USP32: variants seen among roughly 807,000 people sequenced by gnomAD.
USP32 encodes the protein ubiquitin specific peptidase 32, also known as ubiquitin carboxyl-terminal hydrolase 32.
Under a neutral mutation model 204.8 loss-of-function variants are expected in USP32, and 59 were observed. That is an observed-to-expected ratio of 0.29 (90% confidence interval 0.23 to 0.36). USP32 has a LOEUF of 0.36. Ranked by LOEUF, USP32 falls within the 10% of genes least tolerant of loss-of-function variation. USP32 has a pLI of 1.00. For synonymous variants in USP32, 517 were observed against 678.4 expected (o/e 0.76, Z 3.70); for missense variants, 1,160 against 1,946.4 (o/e 0.60, Z 7.60).
At chr17:60,250,341 T>C (rs1181761334) in intron 11 of USP32, among the ~76,000 whole-genome samples, 1 of 152,142 alleles carries the variant, frequency 6.6e-6, no homozygotes, top group Non-Finnish European at 1.5e-5. Context: ...GAAATAGGGA[T>C]GCTATGAGTA....
intron 1 of USP32, among the ~76,000 whole-genome samples, chr17:60,406,236 A>G (rs1310494966): frequency 6.6e-6 from 1 of 150,688 alleles, no homozygotes; most frequent in Non-Finnish European, 1.5e-5. Context: ...CTTGTCATCC[A>G]GGGACCATCT....
chr17:60,312,797 A>G (rs1163081768), intron 2 of USP32, among the ~76,000 whole-genome samples: 1 of 152,226 alleles, frequency 6.6e-6, no homozygotes, highest in Non-Finnish European at 1.5e-5. Context: ...ACAAAGATGA[A>G]ACATGAATTC....
intron 11 of USP32, among the ~76,000 whole-genome samples, chr17:60,251,156 T>C (rs925981836): frequency 1.3e-5 from 2 of 152,048 alleles, no homozygotes; most frequent in African/African-American, 4.8e-5. Flanking sequence ...TTGCCCAGGC[T>C]GGTCTCGAAC....
intron 16 of USP32, among the ~76,000 whole-genome samples, chr17:60,216,605 C>T (rs2085109898): frequency 6.6e-6 from 1 of 152,272 alleles, no homozygotes; most frequent in Non-Finnish European, 1.5e-5. Context: ...GCTAAAAAGT[C>T]ACCTAAAAAA....
intron 18 of USP32, among the ~76,000 whole-genome samples, chr17:60,212,751 A>G (rs1441586599): frequency 1.3e-5 from 2 of 150,216 alleles, no homozygotes; most frequent in Admixed American, 1.3e-4. Flanking sequence ...TGTCAGAGTA[A>G]TTTATTCCTT....
At chr17:60,395,223 A>G (rs2089893076), upstream of USP32, among the ~76,000 whole-genome samples, 1 of 152,240 alleles carries the variant, frequency 6.6e-6, no homozygotes, top group Admixed American at 6.5e-5. Context: ...CAGTACTAAC[A>G]TGAACTTTTA....
At chr17:60,184,809 CA>C (rs35566339) in intron 30 of USP32, among the ~76,000 whole-genome samples, 6,767 of 78,468 alleles carry the variant, frequency 0.086, 388 homozygotes, top group African/African-American at 0.21. Context: ...GACCCTGTCT[CA>C]AAAAAAAAAA....
chr17:60,267,073 T>C (rs893260845), intron 7 of USP32, among the ~76,000 whole-genome samples: 1 of 151,806 alleles, frequency 6.6e-6, no homozygotes, highest in Non-Finnish European at 1.5e-5. Context: ...ACAGGCATGA[T>C]GCACGGTGCC....
At chr17:60,412,417 G>A (rs976698468) in intron 1 of USP32, among the ~76,000 whole-genome samples, 2 of 151,940 alleles carry the variant, frequency 1.3e-5, no homozygotes, top group African/African-American at 4.8e-5. Flanking sequence ...GGGGCGGTGG[G>A]GCGGGGGAGC....
intron 1 of USP32, among the ~76,000 whole-genome samples, chr17:60,401,621 T>C (rs2089936026): frequency 6.6e-6 from 1 of 151,260 alleles, no homozygotes; most frequent in South Asian, 2.1e-4. Context: ...CTCACACCTG[T>C]AGTTATCCCA....
Position 60,209,488 on chromosome 17 carries a change from T to C in USP32, c.2480A>G (p.Gln827Arg), listed in dbSNP as rs759799219. The change falls in exon 22 of 34, where the codon CAA becomes CGA. Residue 827 changes from glutamine to arginine, a missense_variant. Coordinates refer to ENST00000300896, the MANE Select transcript of USP32 (RefSeq NM_032582.4). Reference protein sequence around the residue: ...RFNGFQQQDSQELLAFLLDGL... With the variant: ...RFNGFQQQDSRELLAFLLDGL... ...ATCCAAGAGAAAAGCCAGAAGTTCT[T>C]GGGAGTCCTGTTGCTGAAACCCATT... The C allele has an allele frequency of 6.2e-7, 1 of 1,603,994 alleles. No homozygotes were observed. Among genetic ancestry groups the C allele is most frequent in the South Asian group, 1.1e-5 (1 of 88,106 alleles).
intron 2 of USP32, among the ~76,000 whole-genome samples, chr17:60,315,029 T>C (rs62082063): frequency 0.21 from 32,229 of 152,082 alleles, 8,463 homozygotes; most frequent in African/African-American, 0.62. Context: ...AAAGATGCAA[T>C]GTCTTTAGTC....
chr17:60,336,570 GC>G (rs1247460703), intron 2 of USP32, among the ~76,000 whole-genome samples: 1 of 143,346 alleles, frequency 7.0e-6, no homozygotes, highest in Non-Finnish European at 1.5e-5. Flanking sequence ...AAAAAAATTA[GC>G]CGGGCGTAGT....
chr17:60,374,851 G>A (rs2089509665), intron 1 of USP32, among the ~76,000 whole-genome samples: 1 of 152,204 alleles, frequency 6.6e-6, no homozygotes, highest in South Asian at 2.1e-4. Flanking sequence ...TGTGTATGCA[G>A]TCCATCGTTA....
At chr17:60,277,918 CTTTTTTTTTT>C (rs11422765) in intron 5 of USP32, among the ~76,000 whole-genome samples, 1 of 132,714 alleles carries the variant, frequency 7.5e-6, no homozygotes, top group Non-Finnish European at 1.6e-5. Flanking sequence ...ATAATAGTTC[CTTTTTTTTTT>C]TTTTTTTGAA....
chr17:60,401,948 C>G (rs1277320047), intron 1 of USP32, among the ~76,000 whole-genome samples: 1 of 152,152 alleles, frequency 6.6e-6, no homozygotes, highest in East Asian at 1.9e-4. Flanking sequence ...GAGACAAACT[C>G]TCCCCTAACT....
chr17:60,286,199 G>A (rs1413601761), intron 5 of USP32, among the ~76,000 whole-genome samples: 1 of 151,156 alleles, frequency 6.6e-6, no homozygotes, highest in African/African-American at 2.4e-5. Flanking sequence ...ATGGAAAGAA[G>A]AACAGTAGAA....
chr17:60,271,263 T>C, intron 6 of USP32, 87 bp downstream of exon 6: 1 of 1,501,506 alleles, frequency 6.7e-7, no homozygotes, highest in Non-Finnish European at 9.0e-7. Flanking sequence ...GATGGTTTCT[T>C]AGAGTTAAAA....
At chr17:60,301,922 G>A (rs1053157097) in intron 2 of USP32, among the ~76,000 whole-genome samples, 1 of 151,954 alleles carries the variant, frequency 6.6e-6, no homozygotes, top group African/African-American at 2.4e-5. Flanking sequence ...ACGTACAGAT[G>A]GTCCTCAGCT....
Sources: allele counts gnomAD v4.1 joint callset (sites outside exome capture counted in the v4.1 genomes callset), GRCh38; gene constraint gnomAD v4.1.1; transcripts MANE v1.5; gene names NCBI Gene and HGNC (gene_info 2026-07-23, HGNC 2026-07-21).